The following GABRA3 variants were observed in gnomAD, a reference collection of about 807,000 sequenced individuals.
The protein encoded by GABRA3 is gamma-aminobutyric acid receptor subunit alpha-3.
In GABRA3, 10 loss-of-function variants were observed where a neutral mutation model predicts 30.1. That is an observed-to-expected ratio of 0.33 (90% CI 0.20 to 0.56). The LOEUF (loss-of-function observed/expected upper bound fraction) is 0.56, where lower values mean the gene tolerates loss of function less well. Among genes scored for constraint, GABRA3 ranks in the 20% least tolerant of loss-of-function variants. The probability of loss-of-function intolerance (pLI) is 0.89; values close to 1 mark genes in which losing one functional copy is unlikely to be tolerated. For missense variants in GABRA3, 233 were observed against 392.0 expected (o/e 0.59, Z 3.42); for synonymous variants, 151 against 146.8 (o/e 1.03, Z -0.21).
At chrX:152,367,330 G>A (rs1928684696) in intron 1 of GABRA3, among the ~76,000 whole-genome samples, 1 of 111,639 alleles carries the variant, frequency 9.0e-6, no homozygotes, top group Non-Finnish European at 1.9e-5. Flanking sequence ...CAACTCTTGT[G>A]CAAACTCAGA....
intron 1 of GABRA3, among the ~76,000 whole-genome samples, chrX:152,439,189 A>G (rs1328913263): frequency 9.0e-6 from 1 of 110,589 alleles, no homozygotes; most frequent in Non-Finnish European, 1.9e-5. Context: ...GTGCAGCGGC[A>G]CAATCTCAGC....
chrX:152,231,540 A>G (rs1044825013), intron 5 of GABRA3, among the ~76,000 whole-genome samples: 9 of 111,341 alleles, frequency 8.1e-5, no homozygotes, highest in African/African-American at 2.9e-4. Context: ...TGGGAAAAAC[A>G]TAAGATCATA....
At chrX:152,218,177 T>C (rs984189605) in intron 6 of GABRA3, among the ~76,000 whole-genome samples, 3 of 109,872 alleles carry the variant, frequency 2.7e-5, no homozygotes, top group Non-Finnish European at 5.7e-5. Flanking sequence ...TTTTCATTTG[T>C]TTCAAAATAT....
At chrX:152,447,834 G>A (rs1931125321) in intron 1 of GABRA3, among the ~76,000 whole-genome samples, 1 of 111,668 alleles carries the variant, frequency 9.0e-6, no homozygotes, top group South Asian at 3.7e-4. Flanking sequence ...TAAATTAGAT[G>A]GGCAGGTAGC....
rs1938629583 is a variant in GABRA3, at chrX:152,255,933, G to A, written c.396C>T (p.Pro132=). Residue 132 remains proline (P), a synonymous_variant, in exon 5 of 10, where the codon CCC becomes CCT. Coordinates refer to ENST00000370314, the MANE Select transcript of GABRA3 (RefSeq NM_000808.4). ...GATTGTTCAGTGGAAGGATCTTCAT[G>A]GGGCCATCAAATTTCAGTCTTTCAT... ...WHDERLKFDG[P]MKILPLNNLL... 1 of 1,208,909 alleles carries A rather than the reference G, an allele frequency of 8.3e-7. No individual in the cohort carries two copies. Among genetic ancestry groups the A allele is most frequent in the Non-Finnish European group, 1.1e-6 (1 of 894,601 alleles).
At chrX:152,270,543 C>G (rs1169481334) in intron 4 of GABRA3, among the ~76,000 whole-genome samples, 1 of 111,121 alleles carries the variant, frequency 9.0e-6, no homozygotes, top group Non-Finnish European at 1.9e-5. Flanking sequence ...GAAGGTGGAA[C>G]AGCTTGGAGG....
intron 5 of GABRA3, among the ~76,000 whole-genome samples, chrX:152,241,748 G>T (rs758262380): frequency 9.1e-6 from 1 of 109,647 alleles, no homozygotes; most frequent in South Asian, 4.1e-4. Flanking sequence ...GCAATATTCG[G>T]GTGGGAGTGA....
intron 2 of GABRA3, among the ~76,000 whole-genome samples, chrX:152,356,996 T>C (rs952527977): frequency 8.9e-6 from 1 of 112,024 alleles, no homozygotes; most frequent in African/African-American, 3.2e-5. Context: ...TCCACTTTAA[T>C]GAGCATTTAG....
At chrX:152,217,421 A>AT (rs1937745862) in intron 6 of GABRA3, among the ~76,000 whole-genome samples, 1 of 111,463 alleles carries the variant, frequency 9.0e-6, no homozygotes, top group Non-Finnish European at 1.9e-5. Flanking sequence ...CTATAGTTGT[A>AT]TTTTTTAGTT....
intron 6 of GABRA3, among the ~76,000 whole-genome samples, chrX:152,222,460 CT>C (rs367594406): frequency 0.047 from 4,937 of 106,061 alleles, 301 homozygotes; most frequent in African/African-American, 0.16. Context: ...TAATCACTTC[CT>C]TTTTTTTTCT....
intron 3 of GABRA3, among the ~76,000 whole-genome samples, chrX:152,328,706 A>G (rs1273002300): frequency 9.0e-6 from 1 of 111,637 alleles, no homozygotes; most frequent in African/African-American, 3.3e-5. Flanking sequence ...ATCTCAAAAT[A>G]ATAAGAGCTA....
At chrX:152,235,119 A>G (rs1306459935) in intron 5 of GABRA3, among the ~76,000 whole-genome samples, 1 of 111,679 alleles carries the variant, frequency 9.0e-6, no homozygotes. Context: ...ATGTTTTCCC[A>G]TTTCTTTGTG....
intron 7 of GABRA3, among the ~76,000 whole-genome samples, chrX:152,205,993 G>GT (rs1434676478): frequency 1.8e-5 from 2 of 112,779 alleles, no homozygotes; most frequent in Non-Finnish European, 3.7e-5. Flanking sequence ...TTATGAACGT[G>GT]TATCTTCTGT....
chrX:152,187,966 T>C (rs1937277300), intron 9 of GABRA3, among the ~76,000 whole-genome samples: 2 of 112,002 alleles, frequency 1.8e-5, no homozygotes, highest in Admixed American at 1.9e-4. Flanking sequence ...AACTATTATT[T>C]AAGTATAAAC....
chrX:152,326,954 G>A (rs7061690), intron 3 of GABRA3, among the ~76,000 whole-genome samples: 3,207 of 108,980 alleles, frequency 0.029, 98 homozygotes, highest in African/African-American at 0.1. Flanking sequence ...GTATTCAGGA[G>A]ACCCATTTCA....
intron 1 of GABRA3, among the ~76,000 whole-genome samples, chrX:152,437,376 G>A (rs1930801905): frequency 8.9e-6 from 1 of 111,771 alleles, no homozygotes; most frequent in African/African-American, 3.2e-5. Context: ...CTAAATACAT[G>A]GAGAAATATT....
chrX:152,242,039 C>A (rs975202086), intron 5 of GABRA3, among the ~76,000 whole-genome samples: 1 of 111,652 alleles, frequency 9.0e-6, no homozygotes, highest in African/African-American at 3.3e-5. Flanking sequence ...TATTTGATTT[C>A]TATAGTACTC....
intron 6 of GABRA3, among the ~76,000 whole-genome samples, chrX:152,213,775 G>T (rs1162740771): frequency 9.0e-6 from 1 of 111,609 alleles, no homozygotes; most frequent in Admixed American, 9.5e-5. Context: ...CTTAAGTTTG[G>T]TTTGGACATG....
At chrX:152,225,339 A>G (rs1682313173) in intron 5 of GABRA3, among the ~76,000 whole-genome samples, 2 of 109,762 alleles carry the variant, frequency 1.8e-5, no homozygotes, top group South Asian at 7.8e-4. Context: ...GCTCACAGGA[A>G]CTGCTATAGC....
Sources: gnomAD v4.1 joint callset for allele counts (sites outside exome capture counted in the v4.1 genomes callset) on GRCh38, gnomAD v4.1.1 for gene constraint, MANE v1.5 for transcripts, NCBI Gene and HGNC (gene_info 2026-07-23, HGNC 2026-07-21) for gene names.